Variants in TLL2 observed in about 807,000 individuals in gnomAD.
TLL2 encodes the protein tolloid like 2.
In TLL2, 106 loss-of-function variants were observed where a neutral mutation model predicts 123.0. That is an observed-to-expected ratio of 0.86 (90% CI 0.74 to 1.01). TLL2 has a LOEUF of 1.01. TLL2 is among the 50% of genes least tolerant of loss of function. TLL2 has a pLI of 0.00. For missense variants in TLL2, 1,332 were observed against 1,336.7 expected, an observed-to-expected ratio of 1.00 and a Z score of 0.06; for synonymous variants, 494 against 516.8, an observed-to-expected ratio of 0.96 and a Z score of 0.60.
Position 96,451,816 on chromosome 10 carries a change from C to T in TLL2, c.287-5648G>A, listed in dbSNP as rs1846962341. On this transcript the variant is annotated intron_variant, in intron 2 of 20. Coordinates refer to ENST00000357947, the MANE Select transcript of TLL2 (RefSeq NM_012465.4). ...TGGGTGGAGAATTTGAGATTCTCTCCATATCGGTCTGATATCAAAGCCCTT... is the reference window on the plus strand; with the variant it reads ...TGGGTGGAGAATTTGAGATTCTCTCTATATCGGTCTGATATCAAAGCCCTT... Among the ~76,000 whole-genome samples the T allele has an allele frequency of 3.3e-5, 5 of 152,156 alleles. No individual in the cohort carries two copies. In the South Asian group the frequency reaches 1.0e-3, roughly 31 times the overall value.
In TLL2 at chr10:96,368,032, A is replaced by G; in HGVS notation, c.*56T>C. On this transcript the variant is annotated 3_prime_UTR_variant, in exon 21 of 21. Transcript: ENST00000357947. ...AGATTTTCAAGGTGCTATTGTTGTT[A>G]AAAACAAAACAAAACAAAAAAAATT... The G allele has an allele frequency of 5.0e-6, 8 of 1,605,172 alleles. No homozygotes were observed. Among genetic ancestry groups the G allele is most frequent in the Non-Finnish European group, 4.3e-6 (5 of 1,174,978 alleles).
In TLL2 at chr10:96,446,175, G is replaced by A. The variant is rs1298981809; in HGVS notation, c.287-7C>T. 2 of 1,613,852 alleles carry A rather than the reference G, an allele frequency of 1.2e-6. No homozygotes were observed. Among genetic ancestry groups the A allele is most frequent in the Non-Finnish European group, 1.7e-6 (2 of 1,179,958 alleles). On this transcript the variant is annotated splice_polypyrimidine_tract_variant and splice_region_variant and intron_variant, in intron 2 of 20. Coordinates refer to ENST00000357947, the MANE Select transcript of TLL2 (RefSeq NM_012465.4). ...GCCTGCTCTTCAAGCCCACCTAGAG[G>A]AATGGAGAAGAAAGAGGCATGAGGA...
At chr10:96,446,220 T>C (rs1264840717) in intron 2 of TLL2, 52 bp from the exon 3 acceptor site, 1 of 1,585,494 alleles carries the variant, frequency 6.3e-7, no homozygotes, top group Non-Finnish European at 8.7e-7. Context: ...CTTCTCTGCA[T>C]CAGCACCAAG....
chr10:96,476,248 T>TTTTTTTTTTTTTTTTTTTTTTTTTGTTG (rs1285354320), intron 2 of TLL2, among the ~76,000 whole-genome samples: 2 of 69,230 alleles, frequency 2.9e-5, no homozygotes, highest in African/African-American at 1.2e-4. Context: ...ATATTTTATT[T>TTTTTTTTTTTTTTTTTTTTTTTTTGTTG]TTGTTGTTGT....
intron 13 of TLL2, among the ~76,000 whole-genome samples, chr10:96,388,358 G>A (rs577472360): frequency 2.0e-5 from 3 of 152,138 alleles, no homozygotes; most frequent in Non-Finnish European, 2.9e-5. Context: ...CTGAGATTGC[G>A]CCACTGCACT....
intron 19 of TLL2, among the ~76,000 whole-genome samples, chr10:96,371,741 T>C (rs1447214877): frequency 6.6e-6 from 1 of 150,676 alleles, no homozygotes; most frequent in Admixed American, 6.6e-5. Context: ...GACAGACCCC[T>C]GGCCTACATC....
At chr10:96,454,216 G>A (rs1464920396) in intron 2 of TLL2, among the ~76,000 whole-genome samples, 1 of 152,138 alleles carries the variant, frequency 6.6e-6, no homozygotes, top group African/African-American at 2.4e-5. Context: ...TTTTGAGGGG[G>A]AATGAGATGG....
intron 2 of TLL2, among the ~76,000 whole-genome samples, chr10:96,453,231 G>T (rs573750060): frequency 6.6e-6 from 1 of 152,060 alleles, no homozygotes; most frequent in East Asian, 1.9e-4. Context: ...AGAGGCGGGC[G>T]GATCACGTGA....
intron 2 of TLL2, among the ~76,000 whole-genome samples, chr10:96,460,303 A>G (rs1847068392): frequency 1.3e-5 from 2 of 152,224 alleles, no homozygotes; most frequent in Admixed American, 1.3e-4. Flanking sequence ...AGTAGATGCT[A>G]TATATAGACT....
At chr10:96,385,694 T>C (rs970970226) in intron 15 of TLL2, among the ~76,000 whole-genome samples, 3 of 152,204 alleles carry the variant, frequency 2.0e-5, no homozygotes, top group African/African-American at 7.2e-5. Flanking sequence ...AGGCTGTCTG[T>C]AGCATCCTTG....
At chr10:96,476,982 G>C (rs1847263813) in intron 2 of TLL2, among the ~76,000 whole-genome samples, 1 of 149,156 alleles carries the variant, frequency 6.7e-6, no homozygotes, top group Non-Finnish European at 1.5e-5. Flanking sequence ...TTGGGGCTGG[G>C]ATAACAGGGG....
chr10:96,513,612 C>A lies in TLL2; in HGVS notation c.74G>T (p.Gly25Val). 1 of 1,602,348 alleles carries A rather than the reference C, an allele frequency of 6.2e-7. No homozygotes were observed. Among genetic ancestry groups the A allele is most frequent in the Non-Finnish European group, 8.5e-7 (1 of 1,178,280 alleles). The change falls in exon 1 of 21, where the codon GGA becomes GTA. Residue 25 changes from glycine to valine, a missense_variant. Physicochemically the swap from Gly to Val is moderately radical, Grantham distance 109 (BLOSUM62 -3). Coordinates refer to ENST00000357947, the MANE Select transcript of TLL2 (RefSeq NM_012465.4). ...LLLPLPRGAG[G>V]LGERPDATAD... The stretch of plus-strand genomic sequence containing the variant: ...GGTGGCGTCCGGGCGCTCCCCGAGT[C>A]CCCCGGCGCCGCGAGGCAGCGGCAG...
At chr10:96,394,027 G>C (rs906210610) in intron 13 of TLL2, among the ~76,000 whole-genome samples, 5 of 152,196 alleles carry the variant, frequency 3.3e-5, no homozygotes, top group Non-Finnish European at 5.9e-5. Flanking sequence ...ATGGCTGCCT[G>C]CTCTGGGTGA....
chr10:96,443,655 A>C (rs1002935497), intron 3 of TLL2, among the ~76,000 whole-genome samples: 4 of 152,200 alleles, frequency 2.6e-5, no homozygotes, highest in African/African-American at 7.2e-5. Context: ...AAATCACATA[A>C]ATAAGGAAGA....
intron 7 of TLL2, among the ~76,000 whole-genome samples, chr10:96,416,931 G>T (rs1846568442): frequency 6.6e-6 from 1 of 152,196 alleles, no homozygotes; most frequent in South Asian, 2.1e-4. Flanking sequence ...CTGTACAAGA[G>T]AACTGTCTCC....
intron 5 of TLL2, among the ~76,000 whole-genome samples, chr10:96,425,777 T>A (rs36077881): frequency 0.3 from 46,074 of 151,848 alleles, 7,268 homozygotes; most frequent in Non-Finnish European, 0.36. Flanking sequence ...ACACAGTCAC[T>A]TTACCTCCCA....
intron 1 of TLL2, among the ~76,000 whole-genome samples, chr10:96,494,903 G>T (rs1847454987): frequency 6.6e-6 from 1 of 152,162 alleles, no homozygotes; most frequent in African/African-American, 2.4e-5. Context: ...TCTGAAGTCA[G>T]CACCCAGGAA....
At chr10:96,479,536 GC>G (rs1431791783) in intron 2 of TLL2, among the ~76,000 whole-genome samples, 1 of 152,212 alleles carries the variant, frequency 6.6e-6, no homozygotes, top group East Asian at 1.9e-4. Context: ...TAGTGAAGCT[GC>G]CCAAGCAGGC....
At chr10:96,436,470 T>A (rs988274032) in intron 3 of TLL2, among the ~76,000 whole-genome samples, 1 of 152,226 alleles carries the variant, frequency 6.6e-6, no homozygotes, top group African/African-American at 2.4e-5. Context: ...CTAAGAAAAG[T>A]GCTTTAAGGA....
Sources: gnomAD v4.1 joint callset for allele counts (sites outside exome capture counted in the v4.1 genomes callset) on GRCh38, gnomAD v4.1.1 for gene constraint, MANE v1.5 for transcripts, NCBI Gene and HGNC (gene_info 2026-07-23, HGNC 2026-07-21) for gene names.